Variants in MAP2K6 observed in about 807,000 individuals in gnomAD.
MAP2K6 encodes mitogen-activated protein kinase kinase 6.
In MAP2K6, 16 loss-of-function variants were observed where a neutral mutation model predicts 53.7. The observed-to-expected ratio is 0.30, with a 90% confidence interval of 0.20 to 0.45. The LOEUF (loss-of-function observed/expected upper bound fraction) is 0.45. Among genes scored for constraint, MAP2K6 ranks in the 20% least tolerant of loss-of-function variants. The pLI is 1.00. For missense variants in MAP2K6, 204 were observed against 411.9 expected (o/e 0.50, Z 4.37); for synonymous variants, 132 against 143.1 (o/e 0.92, Z 0.55).
At chr17:69,541,634 C>T in intron 11 of MAP2K6, 42 bp from the exon 12 acceptor site, 1 of 1,406,248 alleles carries the variant, frequency 7.1e-7, no homozygotes, top group Non-Finnish European at 1.0e-6. Context: ...TATTGATTGT[C>T]AGTAAGACAT....
At chr17:69,492,390 C>T (rs1306789156) in intron 1 of MAP2K6, among the ~76,000 whole-genome samples, 1 of 152,156 alleles carries the variant, frequency 6.6e-6, no homozygotes, top group Non-Finnish European at 1.5e-5. Flanking sequence ...TATTCCGGCA[C>T]CTTTTATTGG....
chr17:69,443,847 A>T (rs537962658), intron 1 of MAP2K6, among the ~76,000 whole-genome samples: 1 of 152,246 alleles, frequency 6.6e-6, no homozygotes, highest in South Asian at 2.1e-4. Flanking sequence ...TTTGAAGGAT[A>T]AGAGTTCTCC....
At chr17:69,505,005 G>A (rs1054436061) in intron 1 of MAP2K6, among the ~76,000 whole-genome samples, 2 of 151,636 alleles carry the variant, frequency 1.3e-5, no homozygotes, top group African/African-American at 4.9e-5. Context: ...TGCTAACTTT[G>A]TAGTAGTTAA....
chr17:69,416,966 T>A (rs1386141562), intron 1 of MAP2K6, among the ~76,000 whole-genome samples: 1 of 152,200 alleles, frequency 6.6e-6, no homozygotes, highest in African/African-American at 2.4e-5. Context: ...AAAGGAGATA[T>A]TAGCACTGCA....
chr17:69,510,001 C>T (rs750174906), intron 2 of MAP2K6, among the ~76,000 whole-genome samples: 5 of 152,036 alleles, frequency 3.3e-5, no homozygotes, highest in Admixed American at 1.3e-4. Context: ...TGCCACCACA[C>T]GCGGCTAATT....
chr17:69,435,530 T>C (rs1421269214), intron 1 of MAP2K6: 4 of 138,972 alleles, frequency 2.9e-5, no homozygotes, highest in Non-Finnish European at 4.6e-5. Context: ...TGAGATCCTG[T>C]CTCAAAAAAA....
chr17:69,520,037 G>A, intron 5 of MAP2K6: 1 of 488,028 alleles, frequency 2.0e-6, no homozygotes, highest in Non-Finnish European at 3.6e-6. Flanking sequence ...TTTCATTAAG[G>A]GGTAGGAGAG....
At chr17:69,492,691 T>G (rs1908796900) in intron 1 of MAP2K6, among the ~76,000 whole-genome samples, 2 of 152,134 alleles carry the variant, frequency 1.3e-5, no homozygotes, top group South Asian at 4.1e-4. Context: ...CTCCTTCTCC[T>G]CTCTGGGTGT....
intron 1 of MAP2K6, among the ~76,000 whole-genome samples, chr17:69,464,251 C>G (rs1041943919): frequency 6.6e-6 from 1 of 151,684 alleles, no homozygotes; most frequent in Admixed American, 6.6e-5. Flanking sequence ...GGTTCCTCAT[C>G]TGTCAAATGG....
intron 1 of MAP2K6, among the ~76,000 whole-genome samples, chr17:69,447,969 AGAGGCTGCATCTGGAAT>A (rs1434741214): frequency 6.6e-6 from 1 of 152,170 alleles, no homozygotes; most frequent in Admixed American, 6.5e-5. Context: ...CCCGAAATTG[AGAGGCTGCATCTGGAAT>A]ACAGCAGAAA....
intron 10 of MAP2K6, among the ~76,000 whole-genome samples, chr17:69,528,167 T>C (rs1910881401): frequency 1.5e-5 from 2 of 136,642 alleles, no homozygotes; most frequent in African/African-American, 5.6e-5. Flanking sequence ...GGAAGAAACA[T>C]AAAACAAAGC....
At chr17:69,495,926 AC>A (rs1426463848) in intron 1 of MAP2K6, among the ~76,000 whole-genome samples, 3 of 152,100 alleles carry the variant, frequency 2.0e-5, no homozygotes, top group African/African-American at 7.2e-5. Context: ...AAGGAGATGA[AC>A]CGAGACAGTA....
At position 69,455,851 on chromosome 17, in the gene MAP2K6, G is replaced by GT. The variant is rs11317793; in HGVS notation, c.16+40877dup. Among the ~76,000 whole-genome samples the GT allele has an allele frequency of 3.9e-3, 375 of 95,368 alleles. 8 individuals carry two copies. The highest frequency in any genetic ancestry group is 7.0e-3 in the South Asian group (19 of 2,712). 62.6% of individuals were successfully genotyped at this position (95,368 alleles called of 152,430 possible). On this transcript the variant is annotated intron_variant, in intron 1 of 11. Transcript: ENST00000590474. ...GACTGAGTGGGTTCCTGGACTTTCA[G>GT]TTTTTTTTTTTTTTTTTTTTTTTTT...
Position 69,546,234 on chromosome 17 carries a change from G to A in MAP2K6, c.*4481G>A, listed in dbSNP as rs1365889070. The A allele has an allele frequency of 6.6e-6, 1 of 152,036 alleles. No homozygotes were observed. Among genetic ancestry groups the A allele is most frequent in the African/African-American group, 2.4e-5 (1 of 41,386 alleles). The allele number at this position is 152,036 out of a possible 1,614,324, so 9.4% of individuals were successfully genotyped here. A position where few individuals can be genotyped will look rare whatever the true frequency, so the allele number is the denominator to read the frequency against. On this transcript the variant is annotated 3_prime_UTR_variant, in exon 12 of 12. Transcript: ENST00000590474. ...TTTTGTTATTATTAGTATTCTTCTT[G>A]CTTGCCATTGGCTAATTCATTTTTT...
At chr17:69,498,975 G>A (rs938063033) in intron 1 of MAP2K6, among the ~76,000 whole-genome samples, 1 of 152,128 alleles carries the variant, frequency 6.6e-6, no homozygotes, top group African/African-American at 2.4e-5. Flanking sequence ...CTGGTGGAGT[G>A]TGGTATTAGA....
chr17:69,438,510 C>T (rs537623338), intron 1 of MAP2K6, among the ~76,000 whole-genome samples: 78 of 152,292 alleles, frequency 5.1e-4, no homozygotes, highest in African/African-American at 1.9e-3. Context: ...AGCTCATAAT[C>T]ACTATATGGT....
At chr17:69,528,002 G>A (rs757890863) in intron 10 of MAP2K6, among the ~76,000 whole-genome samples, 1 of 151,156 alleles carries the variant, frequency 6.6e-6, no homozygotes, top group Non-Finnish European at 1.5e-5. Flanking sequence ...CTGTAATCTC[G>A]GGAGGCTGAG....
intron 6 of MAP2K6, 35 bp downstream of exon 6, chr17:69,520,421 G>A (rs752105629): frequency 1.5e-6 from 2 of 1,298,052 alleles, no homozygotes; most frequent in Non-Finnish European, 2.2e-6. Flanking sequence ...CAAGGATAAT[G>A]TGAGAAATAA....
chr17:69,448,391 G>C (rs977460826), intron 1 of MAP2K6, among the ~76,000 whole-genome samples: 2 of 151,904 alleles, frequency 1.3e-5, no homozygotes. Context: ...AGGAAACACA[G>C]TCATTTTGCT....
Sources: gnomAD v4.1 joint callset for allele counts (sites outside exome capture counted in the v4.1 genomes callset) on GRCh38, gnomAD v4.1.1 for gene constraint, MANE v1.5 for transcripts, NCBI Gene and HGNC (gene_info 2026-07-23, HGNC 2026-07-21) for gene names.